Variants in DOCK10 observed in about 807,000 individuals in gnomAD.
DOCK10 encodes dedicator of cytokinesis protein 10.
A neutral mutation model predicts 280.1 loss-of-function variants in DOCK10; 145 were observed. The ratio of observed to expected loss-of-function variants is 0.52; its 90% CI spans 0.45 to 0.59. The LOEUF is 0.59. Among genes scored for constraint, DOCK10 ranks in the 20% least tolerant of loss-of-function variants. The pLI, the probability that DOCK10 is intolerant of heterozygous loss-of-function variation, is 0.00. For missense variants in DOCK10, 2,368 were observed against 2,651.7 expected (o/e 0.89, Z 2.35); for synonymous variants, 915 against 942.2 (o/e 0.97, Z 0.53).
intron 50 of DOCK10, among the ~76,000 whole-genome samples, chr2:224,780,898 T>TAAA (rs57957604): frequency 6.9e-6 from 1 of 144,684 alleles, no homozygotes; most frequent in East Asian, 2.0e-4. Flanking sequence ...AGACTCTGTC[T>TAAA]AAAAAAAAAA....
intron 2 of DOCK10, among the ~76,000 whole-genome samples, chr2:224,930,113 A>C (rs1702254071): frequency 6.6e-6 from 1 of 151,866 alleles, no homozygotes; most frequent in African/African-American, 2.4e-5. Flanking sequence ...AGGCAGGAGA[A>C]TCACCTGAAC....
intron 2 of DOCK10, among the ~76,000 whole-genome samples, chr2:224,918,486 GGTGT>G (rs150080872): frequency 1.1e-4 from 16 of 149,198 alleles, no homozygotes; most frequent in South Asian, 6.4e-4. Flanking sequence ...TTTGTGGTGC[GGTGT>G]GTGTGTGTGT....
intron 1 of DOCK10, among the ~76,000 whole-genome samples, chr2:225,032,100 A>G (rs755603672): frequency 6.6e-6 from 1 of 152,208 alleles, no homozygotes; most frequent in Non-Finnish European, 1.5e-5. Context: ...TAAGATGAAA[A>G]TAAGTTTTAT....
chr2:224,793,689 G>A (rs996875285), intron 45 of DOCK10, among the ~76,000 whole-genome samples: 1 of 152,160 alleles, frequency 6.6e-6, no homozygotes, highest in Non-Finnish European at 1.5e-5. Context: ...ATGGGTGAAG[G>A]AGCTGGCCCA....
rs774284806 is a variant in DOCK10 at position 224,860,350 on chromosome 2, T to C, written c.1685+2314A>G. Among the ~76,000 whole-genome samples the C allele has an allele frequency of 5.5e-4, 83 of 152,218 alleles. 1 individual carries two copies. Among genetic ancestry groups the C allele is most frequent in the African/African-American group, 1.9e-3 (78 of 41,452 alleles). On this transcript the variant is annotated intron_variant, in intron 14 of 55. Coordinates refer to ENST00000258390, the MANE Select transcript of DOCK10 (RefSeq NM_014689.3). The stretch of plus-strand genomic sequence containing the variant: ...AAAAGGGGACTTGGTGAGATAGATA[T>C]GATCTCTGCAAGTGACTTTTAGTAA...
chr2:224,814,263 T>C, intron 31 of DOCK10, 57 bp downstream of exon 31: 1 of 1,058,850 alleles, frequency 9.4e-7, no homozygotes, highest in Non-Finnish European at 1.3e-6. Flanking sequence ...TTTATAGTTG[T>C]CAATATTATT....
At chr2:224,832,729 C>T (rs897413418) in intron 26 of DOCK10, among the ~76,000 whole-genome samples, 2 of 152,212 alleles carry the variant, frequency 1.3e-5, no homozygotes, top group African/African-American at 2.4e-5. Context: ...TTTGAGCCAT[C>T]GTGTCAAGTG....
Position 224,967,327 on chromosome 2 carries a change from A to G in DOCK10, c.124-35659T>C, listed in dbSNP as rs187441049. Among the ~76,000 whole-genome samples, 152 of 152,078 alleles carry G rather than the reference A, an allele frequency of 1.0e-3. No homozygotes were observed. The East Asian group carries it at 0.013, about 13-fold the overall frequency. On this transcript the variant is annotated intron_variant, in intron 1 of 55. Transcript: ENST00000258390. Reference sequence around the variant, plus strand: ...TATCTCCTGACCTTGTGATCTGCCCACCTCGGCCTCCCAAAGTGCTGGGAT... The same window carrying G: ...TATCTCCTGACCTTGTGATCTGCCCGCCTCGGCCTCCCAAAGTGCTGGGAT...
intron 47 of DOCK10, among the ~76,000 whole-genome samples, chr2:224,791,074 A>C (rs532359458): frequency 1.3e-5 from 2 of 152,296 alleles, no homozygotes; most frequent in African/African-American, 4.8e-5. Flanking sequence ...TAGGTCTAAC[A>C]TTGGGCATTT....
chr2:224,856,865 A>G lies in DOCK10; in HGVS notation c.1803T>C (p.Tyr601=), dbSNP rs372857560. The change falls in exon 15 of 56, where the codon TAT becomes TAC. Residue 601 remains tyrosine, a synonymous_variant. Coordinates refer to ENST00000258390, the MANE Select transcript of DOCK10 (RefSeq NM_014689.3). ...TEDLVKLVSD[Y]RRADRISKMQ... Reference sequence around the variant, plus strand: ...AGAGTATAAAAAAAACATACCTTCTATAATCTGATACTAGTTTAACTAGGT... The same window carrying G: ...AGAGTATAAAAAAAACATACCTTCTGTAATCTGATACTAGTTTAACTAGGT... 6.2e-7 allele frequency: 1 copy of G among 1,607,354 alleles called. No homozygotes were observed.
chr2:225,019,845 C>T (rs186659906), intron 1 of DOCK10, among the ~76,000 whole-genome samples: 24 of 152,182 alleles, frequency 1.6e-4, no homozygotes, highest in South Asian at 8.3e-4. Context: ...AAAAATCAGA[C>T]GCCAAAATTT....
At chr2:224,905,182 T>C (rs2125876405) in intron 3 of DOCK10, among the ~76,000 whole-genome samples, 1 of 152,242 alleles carries the variant, frequency 6.6e-6, no homozygotes. Context: ...TGCAATACAT[T>C]AAGCAGTATT....
At chr2:224,867,461 A>C (rs1028692773) in intron 11 of DOCK10, among the ~76,000 whole-genome samples, 2 of 152,118 alleles carry the variant, frequency 1.3e-5, no homozygotes, top group Non-Finnish European at 2.9e-5. Context: ...TTGGGTGCTC[A>C]CCCAAATCCA....
At chr2:224,835,642 A>T (rs879814916) in intron 25 of DOCK10, among the ~76,000 whole-genome samples, 2 of 152,228 alleles carry the variant, frequency 1.3e-5, no homozygotes, top group Non-Finnish European at 2.9e-5. Flanking sequence ...ATCTCATGTC[A>T]CAGGAGAAAA....
intron 2 of DOCK10, among the ~76,000 whole-genome samples, chr2:224,925,327 T>C (rs1701992011): frequency 6.6e-6 from 1 of 152,172 alleles, no homozygotes; most frequent in African/African-American, 2.4e-5. Flanking sequence ...GCTAAAGACA[T>C]ACTATGAAAA....
At chr2:224,935,157 G>A (rs1011954626) in intron 1 of DOCK10, among the ~76,000 whole-genome samples, 1 of 152,138 alleles carries the variant, frequency 6.6e-6, no homozygotes, top group Admixed American at 6.5e-5. Flanking sequence ...GCCCCAGGGT[G>A]GTAAAACTGT....
intron 47 of DOCK10, among the ~76,000 whole-genome samples, chr2:224,791,625 C>T (rs931536670): frequency 2.8e-5 from 4 of 140,768 alleles, no homozygotes; most frequent in African/African-American, 5.4e-5. Context: ...CCACCACGCC[C>T]GGCTAATTTT....
intron 1 of DOCK10, among the ~76,000 whole-genome samples, chr2:224,984,813 T>C (rs1428903684): frequency 2.0e-5 from 3 of 151,306 alleles, no homozygotes; most frequent in Admixed American, 2.0e-4. Context: ...CCAGAGGCCA[T>C]GTTTCTGTCA....
intron 1 of DOCK10, among the ~76,000 whole-genome samples, chr2:225,041,333 A>T (rs562025815): frequency 1.4e-4 from 21 of 152,324 alleles, no homozygotes; most frequent in African/African-American, 4.8e-4. Context: ...GCGGCTGCTG[A>T]GCCCCGGTCT....
Sources: allele counts gnomAD v4.1 joint callset (sites outside exome capture counted in the v4.1 genomes callset), GRCh38; gene constraint gnomAD v4.1.1; transcripts MANE v1.5; gene names NCBI Gene and HGNC (gene_info 2026-07-23, HGNC 2026-07-21).